The following PRKCA variants were observed in gnomAD, a reference collection of about 807,000 sequenced individuals.
PRKCA encodes the protein protein kinase C alpha, also known as protein kinase C alpha type.
A neutral mutation model predicts 87.0 loss-of-function variants in PRKCA; 27 were observed. That is an observed-to-expected ratio of 0.31 (90% CI 0.23 to 0.43). The LOEUF is 0.43. Among genes scored for constraint, PRKCA ranks in the 20% least tolerant of loss-of-function variants. PRKCA has a pLI of 1.00. For synonymous variants in PRKCA, 329 were observed against 311.1 expected (o/e 1.06, Z -0.61); for missense variants, 518 against 852.3 (o/e 0.61, Z 4.88).
chr17:66,543,191 C>T (rs1567887867), intron 3 of PRKCA, among the ~76,000 whole-genome samples: 1 of 152,168 alleles, frequency 6.6e-6, no homozygotes, highest in Non-Finnish European at 1.5e-5. Flanking sequence ...GTTTTCTTCA[C>T]AGTGAATGGA....
At chr17:66,487,899 G>C (rs1293846079) in intron 2 of PRKCA, among the ~76,000 whole-genome samples, 1 of 152,070 alleles carries the variant, frequency 6.6e-6, no homozygotes, top group Non-Finnish European at 1.5e-5. Context: ...AATTCTGTAG[G>C]TTGTTTCTTC....
At chr17:66,559,220 C>A (rs1489095697) in intron 3 of PRKCA, among the ~76,000 whole-genome samples, 1 of 151,958 alleles carries the variant, frequency 6.6e-6, no homozygotes, top group Non-Finnish European at 1.5e-5. Flanking sequence ...TGCCTGTAAT[C>A]CTAGCACTTT....
At chr17:66,743,600 C>G (rs1390676536) in intron 13 of PRKCA, among the ~76,000 whole-genome samples, 6 of 152,150 alleles carry the variant, frequency 3.9e-5, no homozygotes, top group African/African-American at 1.4e-4. Flanking sequence ...AAACATCCCA[C>G]ATGCCAATGA....
At chr17:66,304,424 C>T (rs747284100) in intron 1 of PRKCA, among the ~76,000 whole-genome samples, 11 of 152,128 alleles carry the variant, frequency 7.2e-5, no homozygotes, top group Non-Finnish European at 1.3e-4. Context: ...GACTCTTCTA[C>T]CTCTTCTTTG....
intron 2 of PRKCA, among the ~76,000 whole-genome samples, chr17:66,349,438 G>A (rs1401310141): frequency 6.6e-6 from 1 of 152,058 alleles, no homozygotes; most frequent in African/African-American, 2.4e-5. Flanking sequence ...CAGGCCTGCT[G>A]TGTAGACCTG....
chr17:66,313,849 C>T (rs1452247676), intron 2 of PRKCA, among the ~76,000 whole-genome samples: 4 of 152,110 alleles, frequency 2.6e-5, no homozygotes, highest in African/African-American at 2.4e-5. Context: ...TGAATGGCAG[C>T]GGCAGCTTTG....
intron 2 of PRKCA, among the ~76,000 whole-genome samples, chr17:66,326,808 C>A (rs939381432): frequency 6.6e-6 from 1 of 152,154 alleles, no homozygotes; most frequent in Non-Finnish European, 1.5e-5. Context: ...GCCTCTTATT[C>A]ATCAGTATTT....
At chr17:66,772,127 C>G (rs1411787515) in intron 13 of PRKCA, among the ~76,000 whole-genome samples, 1 of 152,212 alleles carries the variant, frequency 6.6e-6, no homozygotes, top group South Asian at 2.1e-4. Flanking sequence ...TCCTTTGATG[C>G]AAAATTTTGT....
intron 5 of PRKCA, 34 bp downstream of exon 5, chr17:66,645,545 G>A: frequency 3.7e-6 from 6 of 1,613,074 alleles, no homozygotes; most frequent in Non-Finnish European, 5.1e-6. Flanking sequence ...AGCATCGTGG[G>A]CAGGCATTTG....
At chr17:66,402,073 G>A (rs1040354979) in intron 2 of PRKCA, among the ~76,000 whole-genome samples, 6 of 152,322 alleles carry the variant, frequency 3.9e-5, no homozygotes, top group Admixed American at 6.5e-5. Context: ...AATGAGAATC[G>A]GGGTGGACCA....
intron 3 of PRKCA, among the ~76,000 whole-genome samples, chr17:66,501,865 T>C (rs1567861699): frequency 6.6e-6 from 1 of 152,186 alleles, no homozygotes; most frequent in Non-Finnish European, 1.5e-5. Flanking sequence ...CTGGCTTTGC[T>C]CTGCTGAAGG....
rs528756643 is a variant in PRKCA at position 66,592,475 on chromosome 17, A to C, written c.289-48880A>C. Among the ~76,000 whole-genome samples, 3 of 152,218 alleles carry C rather than the reference A, an allele frequency of 2.0e-5. No individual in the cohort carries two copies. In the South Asian group the frequency reaches 6.2e-4, roughly 32 times the overall value. The stretch of plus-strand genomic sequence containing the variant: ...AGACATAAGCCTGGTACATTTCCAA[A>C]GACTATATAAATTAATTTCATGTAA... On this transcript the variant is annotated intron_variant, in intron 3 of 16. Transcript: ENST00000413366.
chr17:66,407,711 TAAAA>T (rs112199964), intron 2 of PRKCA, among the ~76,000 whole-genome samples: 8 of 147,346 alleles, frequency 5.4e-5, no homozygotes, highest in African/African-American at 2.0e-4. Context: ...ATTTTTTGTT[TAAAA>T]AAAAAAAGTA....
intron 2 of PRKCA, among the ~76,000 whole-genome samples, chr17:66,474,190 ATTC>A (rs1915443042): frequency 6.7e-6 from 1 of 150,288 alleles, no homozygotes; most frequent in Non-Finnish European, 1.5e-5. Flanking sequence ...AATTTAACCT[ATTC>A]TTCTGCAGCA....
chr17:66,391,622 A>T (rs1910361884), intron 2 of PRKCA, among the ~76,000 whole-genome samples: 1 of 152,300 alleles, frequency 6.6e-6, no homozygotes, highest in East Asian at 1.9e-4. Flanking sequence ...AAAACCAAAA[A>T]ACAACAGTTT....
In PRKCA at chr17:66,659,389, G is replaced by T. The variant is rs951975459; in HGVS notation, c.529+13878G>T. Among the ~76,000 whole-genome samples the T allele has an allele frequency of 2.6e-5, 4 of 152,186 alleles. No individual in the cohort carries two copies. The East Asian group carries it at 5.8e-4, about 22-fold the overall frequency. On this transcript the variant is annotated intron_variant, in intron 5 of 16. Coordinates refer to ENST00000413366, the MANE Select transcript of PRKCA (RefSeq NM_002737.3). ...TCACCTTCTTCCTCCTCCTCCACCA[G>T]CCATGAGGAGACTCTGTGGAGCAGA...
chr17:66,336,798 G>A (rs1906718426), intron 2 of PRKCA, among the ~76,000 whole-genome samples: 1 of 144,518 alleles, frequency 6.9e-6, no homozygotes, highest in African/African-American at 2.7e-5. Flanking sequence ...GTGTGTGTGT[G>A]TGTGTTTGAG....
chr17:66,668,824 T>C (rs1489946772), intron 5 of PRKCA, among the ~76,000 whole-genome samples: 1 of 152,186 alleles, frequency 6.6e-6, no homozygotes, highest in Non-Finnish European at 1.5e-5. Flanking sequence ...TGCAGGAGGC[T>C]GGGCACAGTG....
At chr17:66,640,807 A>G (rs1485207700) in intron 3 of PRKCA, 4 of 348,176 alleles carry the variant, frequency 1.1e-5, no homozygotes, top group Non-Finnish European at 2.2e-5. Context: ...TTTGGTGGAA[A>G]CCGTGGTATG....
Sources: allele counts gnomAD v4.1 joint callset (sites outside exome capture counted in the v4.1 genomes callset), GRCh38; gene constraint gnomAD v4.1.1; transcripts MANE v1.5; gene names NCBI Gene and HGNC (gene_info 2026-07-23, HGNC 2026-07-21).